The following TRIM5 variants were observed in gnomAD, a reference collection of about 807,000 sequenced individuals.
TRIM5 encodes the protein tripartite motif containing 5.
In TRIM5, 31 loss-of-function variants were observed where a neutral mutation model predicts 35.6. The ratio of observed to expected loss-of-function variants is 0.87; its 90% CI spans 0.65 to 1.18. The LOEUF (loss-of-function observed/expected upper bound fraction) is 1.18, where lower values mean the gene tolerates loss of function less well. Among genes scored for constraint, TRIM5 ranks in the 50% most tolerant of loss-of-function variants. The probability of loss-of-function intolerance (pLI) is 0.00; values close to 1 mark genes in which losing one functional copy is unlikely to be tolerated. For synonymous variants in TRIM5, 243 were observed against 215.6 expected, an observed-to-expected ratio of 1.13 and a Z score of -1.11; for missense variants, 609 against 591.6, an observed-to-expected ratio of 1.03 and a Z score of -0.31.
the TRIM5 span, among the ~76,000 whole-genome samples, chr11:5,640,049 G>A: frequency 3.3e-5 from 5 of 152,198 alleles, no homozygotes; most frequent in East Asian, 7.7e-4. Flanking sequence ...TAGTCACACT[G>A]TTGTGGTATC....
rs1229916838 is a variant in TRIM5, at chr11:5,677,981, C to T, written c.744+223G>A. Reference sequence around the variant, plus strand: ...AACATGACTAGAGCTAATTGATCATCTCCACTACGTCAAATTTTTCTACTG... The same window carrying T: ...AACATGACTAGAGCTAATTGATCATTTCCACTACGTCAAATTTTTCTACTG... On this transcript the variant is annotated intron_variant, in intron 4 of 7. Transcript: ENST00000380034. The T allele has an allele frequency of 5.6e-5, 24 of 426,326 alleles. No individual in the cohort carries two copies. In the East Asian group the frequency reaches 8.9e-4, roughly 16 times the overall value. 26.4% of individuals were successfully genotyped at this position (426,326 alleles called of 1,614,324 possible).
At chr11:5,602,460 A>G in the TRIM5 span, among the ~76,000 whole-genome samples, 17,301 of 151,442 alleles carry the variant, frequency 0.11, 1,496 homozygotes, top group East Asian at 0.24. Context: ...ATATGTGGAG[A>G]GTGATTGTAT....
chr11:5,636,880 C>T, the TRIM5 span, among the ~76,000 whole-genome samples: 1 of 152,202 alleles, frequency 6.6e-6, no homozygotes. Context: ...GGCGCGGTGG[C>T]TCACGCCTGT....
rs1851055534 is a variant in TRIM5, at chr11:5,665,407, T to G, written c.896-12A>C. ...CACTGTCACATCAACTGTAGAAAAA[T>G]TAACAGGTCAGCTAAGGGATATAAT... is the stretch of plus-strand genomic sequence containing the variant. On this transcript the variant is annotated splice_polypyrimidine_tract_variant and intron_variant, in intron 7 of 7. Coordinates refer to ENST00000380034, the MANE Select transcript of TRIM5 (RefSeq NM_033034.3). 1 of 1,594,148 alleles carries G rather than the reference T, an allele frequency of 6.3e-7. No homozygotes were observed. The highest frequency in any genetic ancestry group is 1.4e-5 in the African/African-American group (1 of 74,010).
chr11:5,663,657 A>G lies in TRIM5; in HGVS notation c.*1152T>C, dbSNP rs6578672. On this transcript the variant is annotated 3_prime_UTR_variant, in exon 8 of 8. Transcript: ENST00000380034. The stretch of plus-strand genomic sequence containing the variant: ...TGCTTTTAATTGACAAATAATAAAT[A>G]TACATATTTATGTGGTACAGTGTGA... 127,442 of 783,774 alleles carry G rather than the reference A, an allele frequency of 0.16. 14,366 individuals carry two copies. Among genetic ancestry groups the G allele is most frequent in the East Asian group, 0.61 (4,857 of 7,902 alleles). The allele number at this position is 783,774 out of a possible 1,614,324, so 48.6% of individuals were successfully genotyped here. A position where few individuals can be genotyped will look rare whatever the true frequency, so the allele number is the denominator to read the frequency against.
At chr11:5,678,956 G>A in intron 3 of TRIM5, 118 bp downstream of exon 3, 1 of 817,316 alleles carries the variant, frequency 1.2e-6, no homozygotes, top group South Asian at 1.4e-5. Context: ...AGGATGAAGA[G>A]GACTAATCAA....
chr11:5,635,557 C>T, the TRIM5 span, among the ~76,000 whole-genome samples: 2 of 152,084 alleles, frequency 1.3e-5, no homozygotes, highest in Non-Finnish European at 2.9e-5. Flanking sequence ...CACCCAGCCC[C>T]CTGTTACTTT....
the TRIM5 span, among the ~76,000 whole-genome samples, chr11:5,593,908 C>T: frequency 6.6e-6 from 1 of 152,224 alleles, no homozygotes; most frequent in Admixed American, 6.5e-5. Flanking sequence ...CTGGATCCCA[C>T]ATACTTGGTT....
the TRIM5 span, among the ~76,000 whole-genome samples, chr11:5,620,343 A>G: frequency 6.6e-6 from 1 of 151,120 alleles, no homozygotes; most frequent in Middle Eastern, 3.2e-3. Context: ...GCACCCAGCT[A>G]AGCTTTTGTA....
At chr11:5,602,943 G>A in the TRIM5 span, among the ~76,000 whole-genome samples, 378 of 152,174 alleles carry the variant, frequency 2.5e-3, 2 homozygotes, top group African/African-American at 8.8e-3. Flanking sequence ...GACAGAGTGA[G>A]TCTCCATCTC....
the TRIM5 span, among the ~76,000 whole-genome samples, chr11:5,637,782 T>G: frequency 6.6e-6 from 1 of 152,220 alleles, no homozygotes; most frequent in African/African-American, 2.4e-5. Flanking sequence ...TAACCACTAT[T>G]CTACTTTCTG....
At chr11:5,682,364 A>G (rs1458520281) in intron 1 of TRIM5, among the ~76,000 whole-genome samples, 2 of 152,104 alleles carry the variant, frequency 1.3e-5, no homozygotes, top group Non-Finnish European at 2.9e-5. Flanking sequence ...GGGGGCAGAT[A>G]CGGCCCACGG....
At chr11:5,646,501 T>A in the TRIM5 span, among the ~76,000 whole-genome samples, 1 of 152,210 alleles carries the variant, frequency 6.6e-6, no homozygotes, top group Non-Finnish European at 1.5e-5. Context: ...CTGCCACCAC[T>A]AGACTACTGC....
chr11:5,651,572 TTTG>T, the TRIM5 span, among the ~76,000 whole-genome samples: 2 of 152,192 alleles, frequency 1.3e-5, no homozygotes, highest in African/African-American at 4.8e-5. Context: ...TTTCCATGTA[TTTG>T]TTATTGTGAA....
At chr11:5,643,994 T>C in the TRIM5 span, 10 of 503,982 alleles carry the variant, frequency 2.0e-5, no homozygotes, top group Non-Finnish European at 3.0e-5. Flanking sequence ...TTATCACTGA[T>C]ATGAAGAGGC....
chr11:5,661,388 T>TGGG (rs1850821283), downstream of TRIM5, among the ~76,000 whole-genome samples: 1 of 152,178 alleles, frequency 6.6e-6, no homozygotes, highest in South Asian at 2.1e-4. Flanking sequence ...CTTTAGCCCC[T>TGGG]ACGAACTCTC....
chr11:5,663,393 A>G lies in TRIM5; in HGVS notation c.*1416T>C, dbSNP rs543772722. On this transcript the variant is annotated 3_prime_UTR_variant, in exon 8 of 8. Coordinates refer to ENST00000380034, the MANE Select transcript of TRIM5 (RefSeq NM_033034.3). ...TGTGTGTATTATATATAGAAGGCAG[A>G]ATTGAAGTCATTTTGACAGTAGTAT... 1.0e-5 allele frequency: 10 copies of G among 979,528 alleles called. No individual in the cohort carries two copies. The East Asian group carries it at 6.8e-4, about 67-fold the overall frequency. 60.7% of individuals were successfully genotyped at this position (979,528 alleles called of 1,614,324 possible).
At chr11:5,639,521 A>G in the TRIM5 span, among the ~76,000 whole-genome samples, 1 of 151,834 alleles carries the variant, frequency 6.6e-6, no homozygotes, top group African/African-American at 2.4e-5. Context: ...TCTACTAAAA[A>G]TATTAAAAAT....
chr11:5,621,738 TA>T, the TRIM5 span, among the ~76,000 whole-genome samples: 1 of 152,190 alleles, frequency 6.6e-6, no homozygotes, highest in East Asian at 1.9e-4. Flanking sequence ...CTCACTGACA[TA>T]AATGCCTATC....
Sources: gnomAD v4.1 joint callset for allele counts (sites outside exome capture counted in the v4.1 genomes callset) on GRCh38, gnomAD v4.1.1 for gene constraint, MANE v1.5 for transcripts, NCBI Gene and HGNC (gene_info 2026-07-23, HGNC 2026-07-21) for gene names.